The following TEAD1 variants were observed in gnomAD, a reference collection of about 807,000 sequenced individuals.
TEAD1 encodes TEA domain transcription factor 1.
A neutral mutation model predicts 54.9 loss-of-function variants in TEAD1; 9 were observed. The observed-to-expected ratio is 0.16, with a 90% CI of 0.10 to 0.29. TEAD1 has a LOEUF of 0.29. TEAD1 is among the 10% of genes least tolerant of loss of function. The pLI is 1.00. For missense variants in TEAD1, 387 were observed against 535.9 expected, an observed-to-expected ratio of 0.72 and a Z score of 2.74; for synonymous variants, 200 against 187.8, an observed-to-expected ratio of 1.07 and a Z score of -0.53.
At chr11:12,904,013 A>G (rs1948470098) in intron 10 of TEAD1, among the ~76,000 whole-genome samples, 1 of 152,182 alleles carries the variant, frequency 6.6e-6, no homozygotes, top group Admixed American at 6.5e-5. Context: ...GTGGCCTGCG[A>G]ACCCCTAGGG....
chr11:12,754,315 C>G lies in TEAD1; in HGVS notation c.-54-9864C>G, dbSNP rs139409742. 7.5e-3 allele frequency among the ~76,000 whole-genome samples: 1,146 copies of G among 152,278 alleles called. 14 individuals carry two copies. Among genetic ancestry groups the G allele is most frequent in the African/African-American group, 0.026 (1,092 of 41,570 alleles). ...TCCTAGGTTGTAGAGGTCACACAGG[C>G]TCTGCCTCTGCCTCTGCCCCGGAGG... On this transcript the variant is annotated intron_variant, in intron 2 of 12. Coordinates refer to ENST00000527636, the MANE Select transcript of TEAD1 (RefSeq NM_021961.6).
intron 3 of TEAD1, among the ~76,000 whole-genome samples, chr11:12,847,506 G>A (rs1947178898): frequency 7.6e-6 from 1 of 132,206 alleles, no homozygotes; most frequent in African/African-American, 2.7e-5. Flanking sequence ...GGGGGTGGGG[G>A]TGGTGGCCAT....
chr11:12,880,185 A>G (rs1947937908), intron 6 of TEAD1, among the ~76,000 whole-genome samples: 1 of 152,178 alleles, frequency 6.6e-6, no homozygotes, highest in Admixed American at 6.5e-5. Flanking sequence ...TTCTCTCTTT[A>G]TCTTTTTCCT....
chr11:12,933,405 G>A (rs951121244), intron 12 of TEAD1, among the ~76,000 whole-genome samples: 1 of 152,092 alleles, frequency 6.6e-6, no homozygotes, highest in Non-Finnish European at 1.5e-5. Flanking sequence ...AGGAGAAATT[G>A]TACCTCATAT....
chr11:12,827,309 A>C (rs1025742528), intron 3 of TEAD1, among the ~76,000 whole-genome samples: 3 of 152,224 alleles, frequency 2.0e-5, no homozygotes, highest in Admixed American at 6.5e-5. Context: ...AGTGCTAAGC[A>C]AATAGTAAAT....
chr11:12,690,270 G>A (rs1043193018), intron 2 of TEAD1, among the ~76,000 whole-genome samples: 2 of 150,012 alleles, frequency 1.3e-5, no homozygotes, highest in Admixed American at 6.7e-5. Flanking sequence ...AAAATAATAA[G>A]CCCTTAATGT....
At chr11:12,931,778 T>TA (rs35440397) in intron 12 of TEAD1, among the ~76,000 whole-genome samples, 26,978 of 151,366 alleles carry the variant, frequency 0.18, 2,615 homozygotes, top group East Asian at 0.4. Flanking sequence ...CACCATTGTA[T>TA]AAAAAAAAAT....
intron 3 of TEAD1, among the ~76,000 whole-genome samples, chr11:12,786,497 GAATTGCAGAT>G (rs1480781600): frequency 6.6e-6 from 1 of 152,158 alleles, no homozygotes; most frequent in East Asian, 1.9e-4. Flanking sequence ...AGTTAAATTG[GAATTGCAGAT>G]AAACAAAAAG....
At chr11:12,916,586 C>T (rs1041842680) in intron 10 of TEAD1, among the ~76,000 whole-genome samples, 2 of 152,198 alleles carry the variant, frequency 1.3e-5, no homozygotes, top group African/African-American at 2.4e-5. Flanking sequence ...CATATTACCA[C>T]CGTGGCCTTT....
At chr11:12,920,060 T>C (rs1242299888) in intron 10 of TEAD1, among the ~76,000 whole-genome samples, 1 of 152,208 alleles carries the variant, frequency 6.6e-6, no homozygotes, top group African/African-American at 2.4e-5. Flanking sequence ...TTTTTTCCAT[T>C]CCTTCATTCT....
At chr11:12,845,299 T>C (rs1318424338) in intron 3 of TEAD1, among the ~76,000 whole-genome samples, 1 of 152,146 alleles carries the variant, frequency 6.6e-6, no homozygotes, top group African/African-American at 2.4e-5. Flanking sequence ...CCTTATTTTC[T>C]CCAGTTGCAG....
intron 2 of TEAD1, among the ~76,000 whole-genome samples, chr11:12,759,722 C>T (rs957816394): frequency 1.3e-5 from 2 of 152,034 alleles, no homozygotes; most frequent in Admixed American, 1.3e-4. Flanking sequence ...ATTAGCTGAG[C>T]GTGGTGGTGA....
chr11:12,744,025 A>G (rs1405807817), intron 2 of TEAD1, among the ~76,000 whole-genome samples: 1 of 152,190 alleles, frequency 6.6e-6, no homozygotes, highest in Non-Finnish European at 1.5e-5. Flanking sequence ...GAGTGTCTGA[A>G]ACTGGCAGGT....
At chr11:12,813,371 G>A (rs564832189) in intron 3 of TEAD1, among the ~76,000 whole-genome samples, 1 of 152,276 alleles carries the variant, frequency 6.6e-6, no homozygotes, top group Admixed American at 6.5e-5. Flanking sequence ...TTAGGGGATC[G>A]CCGGGACAGA....
chr11:12,816,773 G>A lies in TEAD1; in HGVS notation c.203-45477G>A, dbSNP rs115695196. On this transcript the variant is annotated intron_variant, in intron 3 of 12. Transcript: ENST00000527636. ...GCTAGGGACAGGGATCTCAAGATGA[G>A]TAAGACCTGGTTCCTGCTCTTAAGA... 8.5e-3 allele frequency among the ~76,000 whole-genome samples: 1,299 copies of A among 152,280 alleles called. 23 individuals carry two copies. The highest frequency in any genetic ancestry group is 0.03 in the African/African-American group (1,231 of 41,552).
chr11:12,692,059 T>C (rs1360209852), intron 2 of TEAD1, among the ~76,000 whole-genome samples: 3 of 152,240 alleles, frequency 2.0e-5, no homozygotes, highest in Non-Finnish European at 4.4e-5. Context: ...GCTATTGTTT[T>C]AGTGCTGCGG....
intron 2 of TEAD1, among the ~76,000 whole-genome samples, chr11:12,751,587 G>C (rs1944870747): frequency 6.6e-6 from 1 of 152,184 alleles, no homozygotes; most frequent in South Asian, 2.1e-4. Context: ...TCCATATCCA[G>C]TGCTTGGGAC....
intron 2 of TEAD1, among the ~76,000 whole-genome samples, chr11:12,718,476 C>T (rs141173264): frequency 2.4e-3 from 360 of 152,314 alleles, no homozygotes; most frequent in African/African-American, 8.2e-3. Flanking sequence ...TTCTTGCATT[C>T]CCTTGGTCTC....
At position 12,749,107 on chromosome 11, in the gene TEAD1, C is replaced by G. The variant is rs536056708; in HGVS notation, c.-54-15072C>G. 4.6e-5 allele frequency among the ~76,000 whole-genome samples: 7 copies of G among 152,266 alleles called. No individual in the cohort carries two copies. The East Asian group carries it at 1.4e-3, about 29-fold the overall frequency. On this transcript the variant is annotated intron_variant, in intron 2 of 12. Coordinates refer to ENST00000527636, the MANE Select transcript of TEAD1 (RefSeq NM_021961.6). ...GTGATGTTGATGGTGTCAGGGCCCA[C>G]TGTGCCAGAACTGTGTGTGTGTGAG...
Sources: allele counts gnomAD v4.1 joint callset (sites outside exome capture counted in the v4.1 genomes callset), GRCh38; gene constraint gnomAD v4.1.1; transcripts MANE v1.5; gene names NCBI Gene and HGNC (gene_info 2026-07-23, HGNC 2026-07-21).